Variants in TRHDE observed in about 807,000 individuals in gnomAD.
TRHDE encodes thyrotropin releasing hormone degrading enzyme, also known as thyrotropin-releasing hormone-degrading ectoenzyme.
Under a neutral mutation model 125.7 loss-of-function variants are expected in TRHDE, and 72 were observed. The observed-to-expected ratio is 0.57, with a 90% confidence interval of 0.47 to 0.70. The LOEUF (loss-of-function observed/expected upper bound fraction) is 0.70, where lower values mean the gene tolerates loss of function less well. TRHDE is among the 30% of genes least tolerant of loss of function. The pLI, the probability that TRHDE is intolerant of heterozygous loss-of-function variation, is 0.00. For synonymous variants in TRHDE, 509 were observed against 509.1 expected, an observed-to-expected ratio of 1.00 and a Z score of 0.00; for missense variants, 1,110 against 1,327.1, an observed-to-expected ratio of 0.84 and a Z score of 2.54.
chr12:72,187,308 ACAACACAC>A (rs1427487264), intron 2 of TRHDE, among the ~76,000 whole-genome samples: 29 of 132,770 alleles, frequency 2.2e-4, no homozygotes, highest in African/African-American at 8.5e-4. Context: ...TCAGAGAAAC[ACAACACAC>A]ACACACACAC....
chr12:72,398,985 G>C (rs1872921112), intron 3 of TRHDE, among the ~76,000 whole-genome samples: 1 of 152,180 alleles, frequency 6.6e-6, no homozygotes. Context: ...TCAGTGGGAG[G>C]TGGCCAGTGA....
At chr12:72,354,720 A>C (rs1014523328) in intron 2 of TRHDE, among the ~76,000 whole-genome samples, 1 of 148,706 alleles carries the variant, frequency 6.7e-6, no homozygotes, top group Non-Finnish European at 1.5e-5. Flanking sequence ...CTTATTTTAT[A>C]ATTATGTATA....
intron 15 of TRHDE, among the ~76,000 whole-genome samples, chr12:72,645,763 A>AAAAG (rs1392276196): frequency 2.0e-5 from 3 of 152,166 alleles, no homozygotes; most frequent in African/African-American, 7.2e-5. Context: ...CAGAAATATC[A>AAAAG]AAAGATTTTT....
chr12:72,621,286 T>A (rs2136078812), intron 14 of TRHDE, 81 bp downstream of exon 14: 1 of 886,830 alleles, frequency 1.1e-6, no homozygotes, highest in Non-Finnish European at 1.8e-6. Flanking sequence ...TGACTTTAGC[T>A]GCATGAGACA....
intron 2 of TRHDE, among the ~76,000 whole-genome samples, chr12:72,111,985 A>G (rs1037355019): frequency 2.0e-5 from 3 of 152,054 alleles, no homozygotes; most frequent in African/African-American, 7.2e-5. Context: ...GGGGGAAAGG[A>G]GGTATAAAGA....
chr12:72,090,848 A>C (rs745456041), intron 1 of TRHDE, among the ~76,000 whole-genome samples: 3 of 150,594 alleles, frequency 2.0e-5, no homozygotes, highest in Non-Finnish European at 3.0e-5. Flanking sequence ...GATTGGATTT[A>C]TTTCCCTTGG....
At chr12:72,141,803 G>C (rs780136039) in intron 2 of TRHDE, among the ~76,000 whole-genome samples, 1 of 152,196 alleles carries the variant, frequency 6.6e-6, no homozygotes, top group Non-Finnish European at 1.5e-5. Context: ...TAGAGTGGGG[G>C]TATTGTTACA....
chr12:72,413,424 A>G (rs1873595751), intron 3 of TRHDE, among the ~76,000 whole-genome samples: 1 of 150,054 alleles, frequency 6.7e-6, no homozygotes, highest in Non-Finnish European at 1.5e-5. Context: ...ATGAAAAAAG[A>G]ATATAAAAAA....
At chr12:72,616,099 A>G (rs1872801576) in intron 12 of TRHDE, among the ~76,000 whole-genome samples, 1 of 152,152 alleles carries the variant, frequency 6.6e-6, no homozygotes, top group Non-Finnish European at 1.5e-5. Context: ...ATTTCTGCCA[A>G]AAGGACTCAA....
At chr12:72,415,633 C>T (rs1245536715) in intron 3 of TRHDE, among the ~76,000 whole-genome samples, 2 of 151,330 alleles carry the variant, frequency 1.3e-5, no homozygotes, top group Admixed American at 1.3e-4. Flanking sequence ...TGAGTGAGAA[C>T]ATGCACTATT....
chr12:72,497,028 C>T (rs952422308), intron 5 of TRHDE, among the ~76,000 whole-genome samples: 1 of 152,088 alleles, frequency 6.6e-6, no homozygotes, highest in African/African-American at 2.4e-5. Flanking sequence ...GGGTGTTCTC[C>T]TGCCAGGCTT....
At chr12:72,425,068 T>C (rs1194148607) in intron 3 of TRHDE, among the ~76,000 whole-genome samples, 1 of 152,154 alleles carries the variant, frequency 6.6e-6, no homozygotes, top group East Asian at 1.9e-4. Flanking sequence ...ATTGGTCTTG[T>C]GTTTTACATT....
At chr12:72,501,734 G>A (rs903645457) in intron 6 of TRHDE, among the ~76,000 whole-genome samples, 43 of 151,822 alleles carry the variant, frequency 2.8e-4, no homozygotes, top group African/African-American at 9.4e-4. Context: ...CAACTTTCTC[G>A]GAGAATTTGT....
chr12:72,113,200 G>A (rs1051762325), intron 2 of TRHDE, among the ~76,000 whole-genome samples: 1 of 151,446 alleles, frequency 6.6e-6, no homozygotes, highest in Non-Finnish European at 1.5e-5. Flanking sequence ...TTTTTTCTTT[G>A]TAGAGAGAGG....
At chr12:72,299,875 TAAAAAA>T (rs1880439833) in intron 2 of TRHDE, among the ~76,000 whole-genome samples, 1 of 152,054 alleles carries the variant, frequency 6.6e-6, no homozygotes, top group Non-Finnish European at 1.5e-5. Context: ...TGCTAGATGT[TAAAAAA>T]GAACAGAGAA....
At chr12:72,196,156 T>C (rs1877438857) in intron 2 of TRHDE, among the ~76,000 whole-genome samples, 1 of 152,174 alleles carries the variant, frequency 6.6e-6, no homozygotes, top group Non-Finnish European at 1.5e-5. Context: ...AGTCATGTAA[T>C]GTGATGCCTC....
chr12:72,125,076 T>G (rs1875682018), intron 2 of TRHDE, among the ~76,000 whole-genome samples: 1 of 152,218 alleles, frequency 6.6e-6, no homozygotes, highest in African/African-American at 2.4e-5. Flanking sequence ...AATTTGTTAA[T>G]ATTTTATTTA....
At chr12:72,245,717 A>C (rs1043850061) in intron 2 of TRHDE, among the ~76,000 whole-genome samples, 1 of 152,138 alleles carries the variant, frequency 6.6e-6, no homozygotes, top group Non-Finnish European at 1.5e-5. Flanking sequence ...AAGACAATTA[A>C]GGAGTTTATA....
chr12:72,383,275 T>C (rs1260257296), intron 3 of TRHDE, among the ~76,000 whole-genome samples: 2 of 152,216 alleles, frequency 1.3e-5, no homozygotes, highest in Non-Finnish European at 2.9e-5. Flanking sequence ...GTTATCTTTT[T>C]TTATATCCCA....
Sources: gnomAD v4.1 joint callset for allele counts (sites outside exome capture counted in the v4.1 genomes callset) on GRCh38, gnomAD v4.1.1 for gene constraint, MANE v1.5 for transcripts, NCBI Gene and HGNC (gene_info 2026-07-23, HGNC 2026-07-21) for gene names.